CADM1: variants seen among roughly 807,000 people sequenced by gnomAD.
CADM1 encodes the protein cell adhesion molecule 1.
Under a neutral mutation model 53.1 loss-of-function variants are expected in CADM1, and 15 were observed. The ratio of observed to expected loss-of-function variants is 0.28; its 90% CI spans 0.19 to 0.44. CADM1 has a LOEUF of 0.44. Among genes scored for constraint, CADM1 ranks in the 20% least tolerant of loss-of-function variants. The pLI is 1.00. For synonymous variants in CADM1, 281 were observed against 243.0 expected (o/e 1.16, Z -1.45); for missense variants, 434 against 611.3 (o/e 0.71, Z 3.06).
At chr11:115,375,489 G>A (rs1164597243) in intron 1 of CADM1, among the ~76,000 whole-genome samples, 2 of 151,970 alleles carry the variant, frequency 1.3e-5, no homozygotes, top group African/African-American at 4.8e-5. Context: ...GTACCTCCCT[G>A]GTGTTATACT....
At chr11:115,233,224 A>G (rs1482055021) in intron 3 of CADM1, among the ~76,000 whole-genome samples, 1 of 152,248 alleles carries the variant, frequency 6.6e-6, no homozygotes, top group African/African-American at 2.4e-5. Context: ...AACATTGCTC[A>G]AATGGATGTG....
chr11:115,388,997 C>T (rs1300085525), intron 1 of CADM1, among the ~76,000 whole-genome samples: 4 of 151,884 alleles, frequency 2.6e-5, no homozygotes, highest in Non-Finnish European at 5.9e-5. Context: ...ACCATAGTTA[C>T]ATAAGAAAAT....
chr11:115,247,795 G>A (rs1032330559), intron 1 of CADM1, among the ~76,000 whole-genome samples: 2 of 152,184 alleles, frequency 1.3e-5, no homozygotes, highest in African/African-American at 4.8e-5. Context: ...CTCCTTCAGA[G>A]TCCCCAGACT....
At chr11:115,365,241 G>A (rs1946127624) in intron 1 of CADM1, among the ~76,000 whole-genome samples, 5 of 137,474 alleles carry the variant, frequency 3.6e-5, no homozygotes, top group Admixed American at 3.6e-4. Flanking sequence ...TGAAATACGA[G>A]GTAAACAGAA....
chr11:115,400,639 ATGTGTG>A (rs1194789992), intron 1 of CADM1, among the ~76,000 whole-genome samples: 11 of 73,330 alleles, frequency 1.5e-4, no homozygotes, highest in Non-Finnish European at 2.1e-4. Context: ...TATCATATAT[ATGTGTG>A]TGTGTGTGTG....
chr11:115,328,694 ATATATATGTATATATATATG>A (rs1945034456), intron 1 of CADM1, among the ~76,000 whole-genome samples: 2 of 25,182 alleles, frequency 7.9e-5, no homozygotes, highest in Non-Finnish European at 1.4e-4. Context: ...ATATATGTGT[ATATATATGTATATATATATG>A]TGTATATATA....
chr11:115,393,639 T>C (rs1296409100), intron 1 of CADM1, among the ~76,000 whole-genome samples: 1 of 151,782 alleles, frequency 6.6e-6, no homozygotes, highest in African/African-American at 2.4e-5. Context: ...TCCACAGCTC[T>C]GAATAACCTT....
intron 1 of CADM1, among the ~76,000 whole-genome samples, chr11:115,443,389 A>G (rs1286849379): frequency 6.6e-6 from 1 of 152,214 alleles, no homozygotes; most frequent in East Asian, 1.9e-4. Context: ...CAATAAGCAG[A>G]AAGACCCAAA....
At chr11:115,412,964 C>T (rs1230884593) in intron 1 of CADM1, among the ~76,000 whole-genome samples, 1 of 152,198 alleles carries the variant, frequency 6.6e-6, no homozygotes, top group African/African-American at 2.4e-5. Context: ...AAGTAATCAA[C>T]TGAAAGATAA....
intron 1 of CADM1, among the ~76,000 whole-genome samples, chr11:115,489,389 G>A (rs1591299187): frequency 2.0e-5 from 3 of 152,022 alleles, no homozygotes; most frequent in African/African-American, 7.2e-5. Context: ...CTAAGGCCTT[G>A]GCATATTCTG....
chr11:115,169,381 G>A lies in CADM1; in HGVS notation c.*7093C>T, dbSNP rs549541253. ...CCATAAACTGTCTTAAGCATCTCCCGGGCTACATTTCTGGCTGTGTTAAGA... is the reference window on the plus strand; with the variant it reads ...CCATAAACTGTCTTAAGCATCTCCCAGGCTACATTTCTGGCTGTGTTAAGA... On this transcript the variant is annotated 3_prime_UTR_variant, in exon 12 of 12. Transcript: ENST00000331581. 13 of 341,230 alleles carry A rather than the reference G, an allele frequency of 3.8e-5. 1 individual carries two copies. Among genetic ancestry groups the A allele is most frequent in the South Asian group, 1.2e-4 (5 of 43,388 alleles). 21.1% of individuals were successfully genotyped at this position (341,230 alleles called of 1,614,324 possible).
intron 1 of CADM1, among the ~76,000 whole-genome samples, chr11:115,289,448 G>C (rs914749777): frequency 6.6e-6 from 1 of 152,006 alleles, no homozygotes; most frequent in Non-Finnish European, 1.5e-5. Flanking sequence ...AATGGTGGAC[G>C]ATCTACACTG....
chr11:115,269,869 T>C (rs539652541), intron 1 of CADM1, among the ~76,000 whole-genome samples: 9 of 152,324 alleles, frequency 5.9e-5, no homozygotes, highest in African/African-American at 1.7e-4. Context: ...CTGGATTTGA[T>C]GAGGCTTTTA....
At chr11:115,298,320 C>A (rs146076630) in intron 1 of CADM1, among the ~76,000 whole-genome samples, 15 of 152,284 alleles carry the variant, frequency 9.9e-5, no homozygotes, top group African/African-American at 3.4e-4. Context: ...TTCACAGTAG[C>A]ATCATTTCTT....
intron 9 of CADM1, among the ~76,000 whole-genome samples, chr11:115,195,243 C>G (rs1235360081): frequency 6.6e-6 from 1 of 152,182 alleles, no homozygotes; most frequent in African/African-American, 2.4e-5. Flanking sequence ...TTGAATCATG[C>G]CCATGCACTT....
chr11:115,388,001 T>G (rs995998429), intron 1 of CADM1, among the ~76,000 whole-genome samples: 5 of 151,818 alleles, frequency 3.3e-5, no homozygotes, highest in African/African-American at 1.2e-4. Context: ...AAGGACAAGA[T>G]AAGCCTAGCA....
intron 1 of CADM1, among the ~76,000 whole-genome samples, chr11:115,361,913 T>C (rs1180787632): frequency 6.6e-6 from 1 of 152,020 alleles, no homozygotes; most frequent in Non-Finnish European, 1.5e-5. Flanking sequence ...TTGTTTTGTT[T>C]TGTTTTGGTA....
intron 1 of CADM1, among the ~76,000 whole-genome samples, chr11:115,262,141 C>CT (rs771054037): frequency 0.011 from 1,549 of 140,400 alleles, 13 homozygotes; most frequent in African/African-American, 0.024. Context: ...CTTTTTTTGT[C>CT]TTTTTTTTTT....
At chr11:115,322,760 G>A (rs777418766) in intron 1 of CADM1, among the ~76,000 whole-genome samples, 29 of 152,192 alleles carry the variant, frequency 1.9e-4, no homozygotes, top group South Asian at 4.2e-4. Context: ...TAATGGTTGC[G>A]TAATATTCTG....
Sources: allele counts gnomAD v4.1 joint callset (sites outside exome capture counted in the v4.1 genomes callset), GRCh38; gene constraint gnomAD v4.1.1; transcripts MANE v1.5; gene names NCBI Gene and HGNC (gene_info 2026-07-23, HGNC 2026-07-21).